Variants in FGF12 observed in about 807,000 individuals in gnomAD.
FGF12 encodes the protein fibroblast growth factor 12.
In FGF12, 14 loss-of-function variants were observed where a neutral mutation model predicts 23.6. The ratio of observed to expected loss-of-function variants is 0.59; its 90% CI spans 0.39 to 0.93. The LOEUF is 0.93. FGF12 is among the 40% of genes least tolerant of loss of function. The pLI, the probability that FGF12 is intolerant of heterozygous loss-of-function variation, is 0.00. For synonymous variants in FGF12, 62 were observed against 77.3 expected, an observed-to-expected ratio of 0.80 and a Z score of 1.04; for missense variants, 175 against 217.8, an observed-to-expected ratio of 0.80 and a Z score of 1.24.
chr3:192,388,438 CAT>C (rs1560095690), intron 2 of FGF12, among the ~76,000 whole-genome samples: 1 of 151,966 alleles, frequency 6.6e-6, no homozygotes, highest in East Asian at 1.9e-4. Context: ...TAGAGGTTGA[CAT>C]ATGTTAGGTG....
chr3:192,431,297 A>G (rs1422218054), intron 2 of FGF12, among the ~76,000 whole-genome samples: 1 of 152,210 alleles, frequency 6.6e-6, no homozygotes, highest in African/African-American at 2.4e-5. Context: ...CTTTCCATTT[A>G]AAGTTTGTAT....
chr3:192,318,515 A>C (rs1716347064), intron 4 of FGF12, among the ~76,000 whole-genome samples: 1 of 152,176 alleles, frequency 6.6e-6, no homozygotes, highest in African/African-American at 2.4e-5. Flanking sequence ...AAGACAGCCT[A>C]TTTGAAAATT....
chr3:192,276,218 GTT>G (rs71811140), intron 4 of FGF12, among the ~76,000 whole-genome samples: 54,051 of 151,896 alleles, frequency 0.36, 10,701 homozygotes, highest in East Asian at 0.9. Flanking sequence ...TAGTCCACGT[GTT>G]TAAGCACTAA....
intron 2 of FGF12, among the ~76,000 whole-genome samples, chr3:192,362,818 A>G (rs944581094): frequency 6.6e-6 from 1 of 152,214 alleles, no homozygotes; most frequent in African/African-American, 2.4e-5. Context: ...TAAAAGAAGC[A>G]TTCTGAGAAA....
At chr3:192,534,296 G>C (rs1004990396) in intron 2 of FGF12, among the ~76,000 whole-genome samples, 1 of 152,140 alleles carries the variant, frequency 6.6e-6, no homozygotes, top group East Asian at 1.9e-4. Flanking sequence ...GGAAATGTGA[G>C]TTTTTAAAAA....
chr3:192,609,284 C>T (rs1361579400), intron 2 of FGF12, among the ~76,000 whole-genome samples: 1 of 152,060 alleles, frequency 6.6e-6, no homozygotes, highest in Admixed American at 6.6e-5. Flanking sequence ...CACAGATTTT[C>T]CTGAAGCCAA....
At position 192,197,082 on chromosome 3, in the gene FGF12, TA is replaced by T. The variant is rs146603895; in HGVS notation, c.229-26427del. 9.7e-3 allele frequency among the ~76,000 whole-genome samples: 1,480 copies of T among 152,336 alleles called. 16 individuals are homozygous for T. The highest frequency in any genetic ancestry group is 0.037 in the Middle Eastern group (11 of 294). On this transcript the variant is annotated intron_variant, in intron 4 of 5. Coordinates refer to ENST00000445105, the MANE Select transcript of FGF12 (RefSeq NM_004113.6). Reference sequence around the variant, plus strand: ...CCCTTAGAATTAATTATCTAAAAATTATAATGGATTACTGTTCCTATTGATT... The same window carrying T: ...CCCTTAGAATTAATTATCTAAAAATTTAATGGATTACTGTTCCTATTGATT...
chr3:192,614,183 T>C (rs1045047873), intron 2 of FGF12, among the ~76,000 whole-genome samples: 7 of 151,964 alleles, frequency 4.6e-5, no homozygotes, highest in Admixed American at 4.6e-4. Flanking sequence ...TATTTCCTTT[T>C]TTTTTCCTTT....
chr3:192,289,017 T>C (rs1714614788), intron 4 of FGF12, among the ~76,000 whole-genome samples: 1 of 152,126 alleles, frequency 6.6e-6, no homozygotes. Context: ...CACTCACTGA[T>C]ACTCAAGTCT....
chr3:192,569,994 G>T (rs554666545), intron 2 of FGF12, among the ~76,000 whole-genome samples: 1 of 152,202 alleles, frequency 6.6e-6, no homozygotes, highest in Non-Finnish European at 1.5e-5. Flanking sequence ...AGCCAGTGCC[G>T]TAAAAGTGCC....
chr3:192,588,250 T>TG (rs950494381), intron 2 of FGF12, among the ~76,000 whole-genome samples: 2 of 146,370 alleles, frequency 1.4e-5, no homozygotes, highest in African/African-American at 5.1e-5. Flanking sequence ...CTCGGGAGGC[T>TG]GAGGCAGGAG....
intron 2 of FGF12, among the ~76,000 whole-genome samples, chr3:192,697,386 T>G (rs1718160037): frequency 6.6e-6 from 1 of 152,178 alleles, no homozygotes; most frequent in East Asian, 1.9e-4. Flanking sequence ...CTGAGGCTCT[T>G]GCATCAGAAG....
At chr3:192,590,884 C>T (rs1402591112) in intron 2 of FGF12, among the ~76,000 whole-genome samples, 1 of 151,868 alleles carries the variant, frequency 6.6e-6, no homozygotes. Flanking sequence ...GACCTGATAG[C>T]TTGCTGTTCT....
chr3:192,167,770 A>ATATATATATATATATAT (rs1421281367), intron 5 of FGF12, among the ~76,000 whole-genome samples: 3 of 9,112 alleles, frequency 3.3e-4, no homozygotes, highest in Admixed American at 1.8e-3. Flanking sequence ...TATATATATA[A>ATATATATATATATATAT]AATTTTTTTT....
chr3:192,387,022 A>C (rs1488726687), intron 2 of FGF12, among the ~76,000 whole-genome samples: 1 of 152,208 alleles, frequency 6.6e-6, no homozygotes, highest in Non-Finnish European at 1.5e-5. Context: ...TATAAATAAC[A>C]GTAATATGAA....
At chr3:192,519,143 C>T (rs552929684) in intron 2 of FGF12, among the ~76,000 whole-genome samples, 1 of 152,284 alleles carries the variant, frequency 6.6e-6, no homozygotes, top group South Asian at 2.1e-4. Context: ...TTATTCAGCT[C>T]TCACCAGCTA....
chr3:192,478,276 G>C (rs1723384095), intron 2 of FGF12, among the ~76,000 whole-genome samples: 1 of 152,112 alleles, frequency 6.6e-6, no homozygotes, highest in African/African-American at 2.4e-5. Context: ...TTACTGATAA[G>C]AAAAGTGAGT....
At chr3:192,196,295 C>T (rs980495173) in intron 4 of FGF12, among the ~76,000 whole-genome samples, 2 of 152,126 alleles carry the variant, frequency 1.3e-5, no homozygotes, top group Admixed American at 1.3e-4. Context: ...TTAAAAGACA[C>T]AAAAGACTGT....
Position 192,216,563 on chromosome 3 carries a change from T to C in FGF12, c.229-45907A>G, listed in dbSNP as rs151128330. ...TATAACGTGTAATAAACAATACCTT[T>C]AAAATGCTACATAATCAGAAACTTC... On this transcript the variant is annotated intron_variant, in intron 4 of 5. Transcript: ENST00000445105. 1.8e-3 allele frequency among the ~76,000 whole-genome samples: 281 copies of C among 152,328 alleles called. 1 individual carries two copies. The highest frequency in any genetic ancestry group is 3.2e-3 in the Non-Finnish European group (220 of 68,016).
Sources: allele counts gnomAD v4.1 joint callset (sites outside exome capture counted in the v4.1 genomes callset), GRCh38; gene constraint gnomAD v4.1.1; transcripts MANE v1.5; gene names NCBI Gene and HGNC (gene_info 2026-07-23, HGNC 2026-07-21).